Variants in KCND2 observed in about 807,000 individuals in gnomAD.
KCND2 encodes the protein A-type voltage-gated potassium channel KCND2.
KCND2 carries 16 observed loss-of-function variants against 54.4 expected under a neutral mutation model. The observed-to-expected ratio is 0.29, with a 90% confidence interval of 0.20 to 0.45. The LOEUF is 0.45. Ranked by LOEUF, KCND2 falls within the 20% of genes least tolerant of loss-of-function variation. The probability of loss-of-function intolerance (pLI) is 1.00; values close to 1 mark genes in which losing one functional copy is unlikely to be tolerated. For synonymous variants in KCND2, 317 were observed against 310.7 expected (o/e 1.02, Z -0.21); for missense variants, 486 against 824.2 (o/e 0.59, Z 5.02).
In KCND2 at chr7:120,274,901, ACATCTTCCGC is replaced by A. The variant is rs1235608839; in HGVS notation, c.272_281del (p.Ile91ThrfsTer3). 6.2e-7 allele frequency: 1 copy of A among 1,613,902 alleles called. No individual in the cohort carries two copies. The highest frequency in any genetic ancestry group is 8.5e-7 in the Non-Finnish European group (1 of 1,180,008). On this transcript the variant is annotated frameshift_variant, in exon 1 of 6. Coordinates refer to ENST00000331113, the MANE Select transcript of KCND2 (RefSeq NM_012281.3). LOFTEE classifies it high-confidence loss of function. ...CAGTATTTCTTTGACCGTGACCCAG[ACATCTTCCGC>A]CACATCCTGAATTTCTACCGCACTG... is the stretch of plus-strand genomic sequence containing the variant.
intron 1 of KCND2, among the ~76,000 whole-genome samples, chr7:120,647,036 T>A (rs1192532745): frequency 6.6e-6 from 1 of 152,208 alleles, no homozygotes; most frequent in Non-Finnish European, 1.5e-5. Context: ...GTTGAAAGTA[T>A]TTCTTTTACC....
chr7:120,363,319 T>C (rs921270336), intron 1 of KCND2, among the ~76,000 whole-genome samples: 14 of 152,022 alleles, frequency 9.2e-5, no homozygotes, highest in Admixed American at 3.9e-4. Flanking sequence ...ATATATCTCC[T>C]TGGATGTCTA....
chr7:120,545,662 G>C (rs1792033715), intron 1 of KCND2, among the ~76,000 whole-genome samples: 1 of 151,644 alleles, frequency 6.6e-6, no homozygotes, highest in Non-Finnish European at 1.5e-5. Flanking sequence ...TGTATCTCTT[G>C]TTGCAGATAG....
chr7:120,354,374 G>A (rs1193571285), intron 1 of KCND2, among the ~76,000 whole-genome samples: 1 of 152,096 alleles, frequency 6.6e-6, no homozygotes, highest in Non-Finnish European at 1.5e-5. Context: ...TGACTGGGAG[G>A]ACCAATATTT....
intron 1 of KCND2, among the ~76,000 whole-genome samples, chr7:120,691,349 G>C (rs1027021776): frequency 2.6e-5 from 4 of 152,298 alleles, no homozygotes; most frequent in South Asian, 4.1e-4. Context: ...AATCACCATG[G>C]GGGGAGAAGA....
At chr7:120,573,128 A>T (rs1195401764) in intron 1 of KCND2, among the ~76,000 whole-genome samples, 1 of 152,216 alleles carries the variant, frequency 6.6e-6, no homozygotes, top group African/African-American at 2.4e-5. Context: ...TCGAAATTCT[A>T]CCTTTAAAAA....
chr7:120,642,831 G>A (rs916319488), intron 1 of KCND2, among the ~76,000 whole-genome samples: 15 of 152,152 alleles, frequency 9.9e-5, no homozygotes, highest in African/African-American at 3.6e-4. Context: ...CAGGTTAAGT[G>A]ATTTGCCAAG....
chr7:120,481,362 T>A (rs1224140644), intron 1 of KCND2, among the ~76,000 whole-genome samples: 1 of 152,210 alleles, frequency 6.6e-6, no homozygotes, highest in Non-Finnish European at 1.5e-5. Flanking sequence ...GGCAGATTTT[T>A]ATAATTAAAA....
At chr7:120,310,153 A>G (rs1163654507) in intron 1 of KCND2, among the ~76,000 whole-genome samples, 1 of 152,210 alleles carries the variant, frequency 6.6e-6, no homozygotes, top group Non-Finnish European at 1.5e-5. Flanking sequence ...GGACGGAGGA[A>G]AAGATAGAAT....
At chr7:120,554,514 T>A (rs891693361) in intron 1 of KCND2, among the ~76,000 whole-genome samples, 3 of 152,062 alleles carry the variant, frequency 2.0e-5, no homozygotes, top group African/African-American at 7.2e-5. Flanking sequence ...GTTCATGCCA[T>A]TCTCCTGCCT....
intron 1 of KCND2, among the ~76,000 whole-genome samples, chr7:120,426,708 G>A (rs1053686997): frequency 2.7e-5 from 4 of 148,386 alleles, no homozygotes; most frequent in East Asian, 2.0e-4. Context: ...TGCAAGCTCC[G>A]CCTCCCAGGT....
chr7:120,362,506 A>T (rs1452880737), intron 1 of KCND2, among the ~76,000 whole-genome samples: 1 of 152,122 alleles, frequency 6.6e-6, no homozygotes, highest in Non-Finnish European at 1.5e-5. Flanking sequence ...TTGTATTTCC[A>T]AGTAAAAATA....
intron 1 of KCND2, among the ~76,000 whole-genome samples, chr7:120,426,584 C>CTTTT (rs1563042450): frequency 4.0e-5 from 5 of 123,748 alleles, no homozygotes; most frequent in Non-Finnish European, 5.2e-5. Flanking sequence ...TGGGGTTTTT[C>CTTTT]TTTGTTTTTT....
chr7:120,495,080 C>A (rs1376379991), intron 1 of KCND2, among the ~76,000 whole-genome samples: 2 of 152,090 alleles, frequency 1.3e-5, no homozygotes, highest in Non-Finnish European at 2.9e-5. Flanking sequence ...AATAATAAAC[C>A]TGGATGCTTT....
intron 1 of KCND2, among the ~76,000 whole-genome samples, chr7:120,493,816 A>G (rs1802815221): frequency 6.6e-6 from 1 of 152,174 alleles, no homozygotes; most frequent in South Asian, 2.1e-4. Context: ...CATTTCTATT[A>G]GGAGACATGA....
intron 1 of KCND2, among the ~76,000 whole-genome samples, chr7:120,573,559 C>T (rs1162095165): frequency 6.6e-6 from 1 of 152,132 alleles, no homozygotes; most frequent in Non-Finnish European, 1.5e-5. Flanking sequence ...GGCTGCTCCT[C>T]CTAGTAGTCC....
chr7:120,627,900 G>C (rs1246881628), intron 1 of KCND2, among the ~76,000 whole-genome samples: 1 of 151,812 alleles, frequency 6.6e-6, no homozygotes, highest in Non-Finnish European at 1.5e-5. Flanking sequence ...CCATTTATTT[G>C]CATACATATA....
intron 1 of KCND2, among the ~76,000 whole-genome samples, chr7:120,532,569 GA>G (rs1312038531): frequency 4.6e-5 from 7 of 151,724 alleles, no homozygotes; most frequent in South Asian, 2.1e-4. Flanking sequence ...AAAACAAAAT[GA>G]AAATGCCAAA....
chr7:120,557,269 C>A (rs1288532344), intron 1 of KCND2, among the ~76,000 whole-genome samples: 3 of 151,964 alleles, frequency 2.0e-5, no homozygotes, highest in Non-Finnish European at 4.4e-5. Flanking sequence ...AAATATTTAT[C>A]TTTTCTTTAT....
Sources: allele counts gnomAD v4.1 joint callset (sites outside exome capture counted in the v4.1 genomes callset), GRCh38; gene constraint gnomAD v4.1.1; transcripts MANE v1.5; gene names NCBI Gene and HGNC (gene_info 2026-07-23, HGNC 2026-07-21).